The following OPN4 variants were observed in gnomAD, a reference collection of about 807,000 sequenced individuals.
OPN4 encodes the protein melanopsin.
In OPN4, 43 loss-of-function variants were observed where a neutral mutation model predicts 49.5. The ratio of observed to expected loss-of-function variants is 0.87; its 90% CI spans 0.68 to 1.12. The LOEUF is 1.12. Among genes scored for constraint, OPN4 ranks in the 50% most tolerant of loss-of-function variants. The probability of loss-of-function intolerance (pLI) is 0.00; values close to 1 mark genes in which losing one functional copy is unlikely to be tolerated. For synonymous variants in OPN4, 263 were observed against 258.0 expected (o/e 1.02, Z -0.19); for missense variants, 657 against 643.9 (o/e 1.02, Z -0.22).
intron 9 of OPN4, chr10:86,664,016 ATG>A (rs34715539): frequency 0.032 from 14,985 of 469,902 alleles, no homozygotes; most frequent in East Asian, 0.039. Context: ...TGGTCTGCAC[ATG>A]TGTGTGTGTG....
In OPN4 at chr10:86,657,237, C is replaced by T. The variant is rs200706879; in HGVS notation, c.291-795C>T. ...TCACTGTGATGATGCAGTAAGTTCA[C>T]GGATGTGCGTTGCCCCACAGATGAG... On this transcript the variant is annotated intron_variant, in intron 2 of 9. Coordinates refer to ENST00000241891, the MANE Select transcript of OPN4 (RefSeq NM_033282.4). 1,762 of 780,438 alleles carry T rather than the reference C, an allele frequency of 2.3e-3. 9 individuals carry two copies. The highest frequency in any genetic ancestry group is 2.1e-3 in the Non-Finnish European group (894 of 417,820). The allele number at this position is 780,438 out of a possible 1,614,324, so 48.3% of individuals were successfully genotyped here. A position where few individuals can be genotyped will look rare whatever the true frequency, so the allele number is the denominator to read the frequency against.
chr10:86,664,422 C>T (rs1301800785), intron 9 of OPN4, among the ~76,000 whole-genome samples: 2 of 152,152 alleles, frequency 1.3e-5, no homozygotes, highest in Non-Finnish European at 2.9e-5. Context: ...TAAAAGAAGG[C>T]CAGCTGTCGG....
At position 86,663,803 on chromosome 10, in the gene OPN4, G is replaced by A; in HGVS notation, c.1398+1G>A. On this transcript the variant is annotated splice_donor_variant, in intron 9 of 9. Coordinates refer to ENST00000241891, the MANE Select transcript of OPN4 (RefSeq NM_033282.4). LOFTEE classifies it high-confidence loss of function. ...ACACGAAGCAGAGACTCCAGGGAAG[G>A]TGACTGGGCCCGGTACCTGCCAATC... 4 of 1,551,676 alleles carry A rather than the reference G, an allele frequency of 2.6e-6. No homozygotes were observed. Among genetic ancestry groups the A allele is most frequent in the Non-Finnish European group, 1.7e-6 (2 of 1,147,614 alleles).
intron 2 of OPN4, among the ~76,000 whole-genome samples, chr10:86,656,529 C>G (rs995892986): frequency 6.6e-6 from 1 of 152,156 alleles, no homozygotes; most frequent in African/African-American, 2.4e-5. Context: ...CTAATTGAGA[C>G]CCAGGTGCAT....
Position 86,654,762 on chromosome 10 carries a change from G to A in OPN4, c.-22G>A, listed in dbSNP as rs774263027. 1.2e-6 allele frequency: 2 copies of A among 1,603,480 alleles called. No homozygotes were observed. Among genetic ancestry groups the A allele is most frequent in the East Asian group, 4.5e-5 (2 of 44,554 alleles). On this transcript the variant is annotated 5_prime_UTR_variant, in exon 1 of 10. Transcript: ENST00000241891. Reference sequence around the variant, plus strand: ...GCCCTTGACTTCTCTGTGGGCTCGAGCAAGGACCATCCCAACTCAGGATGA... The same window carrying A: ...GCCCTTGACTTCTCTGTGGGCTCGAACAAGGACCATCCCAACTCAGGATGA...
chr10:86,663,938 C>A (rs1844082457), intron 9 of OPN4, 136 bp downstream of exon 9: 4 of 1,083,300 alleles, frequency 3.7e-6, no homozygotes, highest in Non-Finnish European at 5.2e-6. Context: ...CTCCCAGCAC[C>A]TCCCAGCTTT....
intron 2 of OPN4, 48 bp downstream of exon 2, chr10:86,656,348 T>C: frequency 1.3e-6 from 2 of 1,544,696 alleles, no homozygotes; most frequent in East Asian, 2.3e-5. Context: ...GTGGCAGCCA[T>C]GCAGACAGGG....
intron 2 of OPN4, among the ~76,000 whole-genome samples, chr10:86,657,752 G>A (rs1358156943): frequency 6.6e-6 from 1 of 152,158 alleles, no homozygotes; most frequent in Non-Finnish European, 1.5e-5. Flanking sequence ...CCACGCCTCA[G>A]GTTTTGGAGA....
In OPN4 at chr10:86,661,404, A is replaced by G; in HGVS notation, c.1073+16A>G. 1 of 1,597,166 alleles carries G rather than the reference A, an allele frequency of 6.3e-7. No homozygotes were observed. On this transcript the variant is annotated intron_variant, in intron 7 of 9. Transcript: ENST00000241891. ...CCAAGTACAGGTGTGGCTCTTTTCCAGAACCCCACACCTTGGCCTCCAAGG... is the reference window on the plus strand; with the variant it reads ...CCAAGTACAGGTGTGGCTCTTTTCCGGAACCCCACACCTTGGCCTCCAAGG...
intron 1 of OPN4, among the ~76,000 whole-genome samples, chr10:86,655,833 C>T (rs1843848776): frequency 6.6e-6 from 1 of 152,220 alleles, no homozygotes; most frequent in South Asian, 2.1e-4. Flanking sequence ...TGTCTTCTCC[C>T]TAAGGAAAGA....
intron 9 of OPN4, among the ~76,000 whole-genome samples, chr10:86,664,889 G>A (rs1477742615): frequency 1.3e-5 from 2 of 152,194 alleles, no homozygotes; most frequent in Non-Finnish European, 2.9e-5. Context: ...GCTCAGGGGG[G>A]TTGCTGGGCA....
At position 86,656,279 on chromosome 10, in the gene OPN4, C is replaced by T. The variant is rs201532005; in HGVS notation, c.269C>T (p.Thr90Met). 14 of 1,610,510 alleles carry T rather than the reference C, an allele frequency of 8.7e-6. No homozygotes were observed. Among genetic ancestry groups the T allele is most frequent in the African/African-American group, 5.3e-5 (4 of 74,994 alleles). Residue 90 changes from threonine to methionine, a missense_variant, in exon 2 of 10, where the codon ACG becomes ATG. Transcript: ENST00000241891. ...CTCACGGGGATGCTGGGCAACCTGA[C>T]GGTCATCTATACCTTCTGCAGGTGC... is the stretch of plus-strand genomic sequence containing the variant. The part of the protein sequence containing the change: ...VGLTGMLGNL[T>M]VIYTFCRSRS...
At chr10:86,665,347 A>G (rs1380778146) in intron 9 of OPN4, among the ~76,000 whole-genome samples, 1 of 152,092 alleles carries the variant, frequency 6.6e-6, no homozygotes, top group Non-Finnish European at 1.5e-5. Flanking sequence ...CAAAGAAGGA[A>G]GTGCTGCAGG....
intron 7 of OPN4, 107 bp downstream of exon 7, chr10:86,661,495 G>A (rs1358290960): frequency 1.4e-5 from 11 of 785,372 alleles, no homozygotes; most frequent in Non-Finnish European, 2.0e-5. Flanking sequence ...TAGAATGGGG[G>A]CCACCAGCAG....
rs549341814 is a variant in OPN4, at chr10:86,663,977, T to C, written c.1398+175T>C. ...TTGTCTGCCTGGGGTTCTCTGTGAC[T>C]CTGAGATGCTCTGAGCAGGGCCTGC... On this transcript the variant is annotated intron_variant, in intron 9 of 9. Coordinates refer to ENST00000241891, the MANE Select transcript of OPN4 (RefSeq NM_033282.4). The C allele has an allele frequency of 5.7e-4, 395 of 689,384 alleles. 2 individuals carry two copies. Among genetic ancestry groups the C allele is most frequent in the South Asian group, 1.9e-3 (94 of 50,060 alleles). The allele number at this position is 689,384 out of a possible 1,614,324, so 42.7% of individuals were successfully genotyped here.
intron 2 of OPN4, chr10:86,657,215 C>G (rs184821983): frequency 4.1e-5 from 32 of 780,712 alleles, no homozygotes; most frequent in Non-Finnish European, 7.4e-5. Context: ...CGTGGAGTCA[C>G]TGTGATGATG....
rs79928964 is a variant in OPN4 at position 86,662,243 on chromosome 10, C to T, written c.1074-9C>T. ...CCCCTGGCCCTAATCAGATGTGCGG[C>T]CCCTGCAGGGTGGCCATTGCCCAGC... On this transcript the variant is annotated splice_polypyrimidine_tract_variant and intron_variant, in intron 7 of 9. Coordinates refer to ENST00000241891, the MANE Select transcript of OPN4 (RefSeq NM_033282.4). 1.8e-4 allele frequency: 291 copies of T among 1,607,086 alleles called. 2 individuals carry two copies. In the East Asian group the frequency reaches 4.3e-3, roughly 24 times the overall value.
At position 86,661,260 on chromosome 10, in the gene OPN4, ACCACACCTTCTCTGT is replaced by A. The variant is rs1843998525; in HGVS notation, c.966-18_966-4del. ...GTCAGGAGGGCCAGCTAGCTTGGGG[ACCACACCTTCTCTGT>A]CCTAGGTACGCACACGTCCTGACAC... On this transcript the variant is annotated splice_region_variant and splice_polypyrimidine_tract_variant and intron_variant, in intron 6 of 9. Coordinates refer to ENST00000241891, the MANE Select transcript of OPN4 (RefSeq NM_033282.4). 6.2e-7 allele frequency: 1 copy of A among 1,601,152 alleles called. No homozygotes were observed. The highest frequency in any genetic ancestry group is 8.6e-7 in the Non-Finnish European group (1 of 1,168,854).
rs370911126 is a variant in OPN4, at chr10:86,662,375, C to T, written c.1197C>T (p.Asn399=). 96 of 1,580,044 alleles carry T rather than the reference C, an allele frequency of 6.1e-5. No individual in the cohort carries two copies. Among genetic ancestry groups the T allele is most frequent in the Non-Finnish European group, 7.7e-5 (90 of 1,163,958 alleles). The part of the protein sequence containing the change: ...HRSTLTSHTS[N]LSWISIRRRQ... Reference sequence around the variant, plus strand: ...CCACGCTGACCAGCCACACCTCCAACCTCAGCTGGATCTCCATACGGAGGC... The same window carrying T: ...CCACGCTGACCAGCCACACCTCCAATCTCAGCTGGATCTCCATACGGAGGC... Residue 399 remains asparagine (N), a synonymous_variant, in exon 8 of 10, where the codon AAC becomes AAT. Transcript: ENST00000241891.
Sources: allele counts gnomAD v4.1 joint callset (sites outside exome capture counted in the v4.1 genomes callset), GRCh38; gene constraint gnomAD v4.1.1; transcripts MANE v1.5; gene names NCBI Gene and HGNC (gene_info 2026-07-23, HGNC 2026-07-21).